Variants in CHD3 observed in about 807,000 individuals in gnomAD.
CHD3 encodes the protein ATP-dependent chromatin remodeler CHD3.
A neutral mutation model predicts 248.9 loss-of-function variants in CHD3; 52 were observed. The observed-to-expected ratio is 0.21, with a 90% CI of 0.17 to 0.26. CHD3 has a LOEUF of 0.26. CHD3 is among the 10% of genes least tolerant of loss of function. CHD3 has a pLI of 1.00. For synonymous variants in CHD3, 985 were observed against 985.2 expected (o/e 1.00, Z 0.00); for missense variants, 1,482 against 2,605.8 (o/e 0.57, Z 9.39).
At chr17:7,896,733 G>A (rs993940191) in intron 10 of CHD3, among the ~76,000 whole-genome samples, 3 of 148,522 alleles carry the variant, frequency 2.0e-5, no homozygotes, top group East Asian at 4.0e-4. Context: ...ATCTTGGCTC[G>A]CTGCAACCTC....
At position 7,900,782 on chromosome 17, in the gene CHD3, C is replaced by T. The variant is rs372722431; in HGVS notation, c.2978+51C>T. ...AGTAGGGCTTGGGGATTGATGGGAG[C>T]GTTCCAAGTGCAATATCATAATTGC... On this transcript the variant is annotated intron_variant, in intron 18 of 39. Transcript: ENST00000330494. This position sits in a 1 kb window ranked among gnomAD's most constrained non-coding sequence, Gnocchi z 6.5. 3.4e-5 allele frequency: 54 copies of T among 1,609,266 alleles called. No homozygotes were observed. The highest frequency in any genetic ancestry group is 4.3e-5 in the Non-Finnish European group (51 of 1,176,254).
Position 7,891,071 on chromosome 17 carries a change from T to C in CHD3, c.509+7T>C, listed in dbSNP as rs1968778682. 6.2e-7 allele frequency: 1 copy of C among 1,613,538 alleles called. No homozygotes were observed. The highest frequency in any genetic ancestry group is 1.3e-5 in the African/African-American group (1 of 75,004). ...CCTTCAGCCAGTTCATGAGGTGCGG[T>C]AAGACTGGGGAATCCTCGCTAATTG... On this transcript the variant is annotated splice_region_variant and intron_variant, in intron 4 of 39. Transcript: ENST00000330494.
At chr17:7,891,858 G>A (rs918834059) in intron 4 of CHD3, among the ~76,000 whole-genome samples, 7 of 150,532 alleles carry the variant, frequency 4.7e-5, no homozygotes, top group Middle Eastern at 3.4e-3. Context: ...GCGAAACTCC[G>A]TCTCAAAAAA....
Position 7,896,972 on chromosome 17 carries a change from T to C in CHD3, c.1708-111T>C, listed in dbSNP as rs1969758363. On this transcript the variant is annotated intron_variant, in intron 10 of 39. Coordinates refer to ENST00000330494, the MANE Select transcript of CHD3 (RefSeq NM_001005273.3). ...CCGTGCCTGGGCCAATCCATCCTTT[T>C]TCATAGCTCCCTTTCCCTGTCCCAT... is the stretch of plus-strand genomic sequence containing the variant. 3.4e-6 allele frequency: 3 copies of C among 891,370 alleles called. No homozygotes were observed. The African/African-American group carries it at 5.0e-5, about 15-fold the overall frequency. The allele number at this position is 891,370 out of a possible 1,614,324, so 55.2% of individuals were successfully genotyped here.
chr17:7,890,013 C>A (rs1412474269), intron 2 of CHD3, among the ~76,000 whole-genome samples: 1 of 152,158 alleles, frequency 6.6e-6, no homozygotes, highest in East Asian at 1.9e-4. Context: ...TCCTCAGCAG[C>A]AAAGAGAAGC....
chr17:7,894,997 G>A lies in CHD3; in HGVS notation c.1350G>A (p.Glu450=). ...EEEGEEEGEK[E]EEDDHMEYCR... ...AGGGAGAGGAAGAAGGGGAGAAGGA[G>A]GAGGAGGATGATCACATGGAGTACT... is the stretch of plus-strand genomic sequence containing the variant. The change falls in exon 9 of 40, where the codon GAG becomes GAA. Residue 450 remains glutamate, a synonymous_variant. Transcript: ENST00000330494. 6.2e-7 allele frequency: 1 copy of A among 1,614,094 alleles called. No individual in the cohort carries two copies. Among genetic ancestry groups the A allele is most frequent in the Non-Finnish European group, 8.5e-7 (1 of 1,179,978 alleles).
At position 7,910,979 on chromosome 17, in the gene CHD3, C is replaced by A. The variant is rs779876097; in HGVS notation, c.5881+6C>A. 6.2e-7 allele frequency: 1 copy of A among 1,612,100 alleles called. No homozygotes were observed. The highest frequency in any genetic ancestry group is 8.5e-7 in the Non-Finnish European group (1 of 1,179,350). ...TGCAGGGTCCTTCATCACAGGTCAG[C>A]TGGTGTTTTCCTACCCCCTGCTACT... is the stretch of plus-strand genomic sequence containing the variant. On this transcript the variant is annotated splice_donor_region_variant and intron_variant, in intron 39 of 39. Transcript: ENST00000330494. The surrounding 1 kb of genome is among the most constrained non-coding windows in gnomAD (Gnocchi z 4.7).
Position 7,911,036 on chromosome 17 carries a change from C to T in CHD3, c.5881+63C>T. 1 of 1,600,032 alleles carries T rather than the reference C, an allele frequency of 6.2e-7. No individual in the cohort carries two copies. The highest frequency in any genetic ancestry group is 8.5e-7 in the Non-Finnish European group (1 of 1,172,908). On this transcript the variant is annotated intron_variant, in intron 39 of 39. Transcript: ENST00000330494. This position sits in a 1 kb window ranked among gnomAD's most constrained non-coding sequence, Gnocchi z 5.4. Reference sequence around the variant, plus strand: ...CCTCCTTTGCCAAACTTTATTTCTGCTCAGCTGCCCTTTAACTGCTCTAGT... The same window carrying T: ...CCTCCTTTGCCAAACTTTATTTCTGTTCAGCTGCCCTTTAACTGCTCTAGT...
At position 7,899,800 on chromosome 17, in the gene CHD3, T is replaced by C. The variant is rs28441558; in HGVS notation, c.2545-96T>C. The C allele has an allele frequency of 0.05, 72,068 of 1,443,906 alleles. 1,984 individuals are homozygous for C. Among genetic ancestry groups the C allele is most frequent in the Non-Finnish European group, 0.058 (60,766 of 1,048,238 alleles). 89.4% of individuals were successfully genotyped at this position (1,443,906 alleles called of 1,614,324 possible). On this transcript the variant is annotated intron_variant, in intron 15 of 39. Transcript: ENST00000330494. This position sits in a 1 kb window ranked among gnomAD's most constrained non-coding sequence, Gnocchi z 6.8. ...GCTTGGAGAACAGAGTAATGGCTCC[T>C]GTTGGGAGCCACAGTCAGGACAAGG...
In CHD3 at chr17:7,907,824, C is replaced by T. The variant is rs1296451555; in HGVS notation, c.5027-70C>T. 12 of 1,564,580 alleles carry T rather than the reference C, an allele frequency of 7.7e-6. No homozygotes were observed. The highest frequency in any genetic ancestry group is 1.0e-5 in the Non-Finnish European group (12 of 1,152,346). On this transcript the variant is annotated intron_variant, in intron 33 of 39. Transcript: ENST00000330494. This position sits in a 1 kb window ranked among gnomAD's most constrained non-coding sequence, Gnocchi z 4.3. Reference sequence around the variant, plus strand: ...TTTGAAAGGCCAGTACAGTACAGTACAGATAGTAGTCTTGGGACCTGGGAG... The same window carrying T: ...TTTGAAAGGCCAGTACAGTACAGTATAGATAGTAGTCTTGGGACCTGGGAG...
In CHD3 at chr17:7,899,101, C is replaced by T. The variant is rs1970022409; in HGVS notation, c.2242C>T (p.Arg748Cys). 1.2e-6 allele frequency: 2 copies of T among 1,614,022 alleles called. No individual in the cohort carries two copies. The highest frequency in any genetic ancestry group is 8.5e-7 in the Non-Finnish European group (1 of 1,180,024). ...MYQLEGLNWL[R>C]FSWAQGTDTI... ...TCAGTTGGAAGGGCTGAACTGGCTACGCTTCTCCTGGGCCCAGGGCACTGA... is the reference window on the plus strand; with the variant it reads ...TCAGTTGGAAGGGCTGAACTGGCTATGCTTCTCCTGGGCCCAGGGCACTGA... The change falls in exon 14 of 40, where the codon CGC becomes TGC. Residue 748 changes from arginine to cysteine, a missense_variant. Transcript: ENST00000330494. This position sits in a 1 kb window ranked among gnomAD's most constrained non-coding sequence, Gnocchi z 6.8.
At chr17:7,886,526 G>A (rs1232660525), upstream of CHD3, among the ~76,000 whole-genome samples, 1 of 152,270 alleles carries the variant, frequency 6.6e-6, no homozygotes, top group Non-Finnish European at 1.5e-5. The surrounding 1 kb of genome is among the most constrained non-coding windows in gnomAD (Gnocchi z 4.2). Flanking sequence ...GACGACCTTT[G>A]GGGGAGCGGG....
In CHD3 at chr17:7,905,527, C is replaced by T. The variant is rs535353401; in HGVS notation, c.4139-94C>T. 8.5e-6 allele frequency: 8 copies of T among 937,584 alleles called. No individual in the cohort carries two copies. In the East Asian group the frequency reaches 1.9e-4, roughly 22 times the overall value. 58.1% of individuals were successfully genotyped at this position (937,584 alleles called of 1,614,324 possible). ...CACCTCAAACGTGACAGGAATGTTC[C>T]TGTGTTGTGTATCTTGTGGGAATGG... is the stretch of plus-strand genomic sequence containing the variant. On this transcript the variant is annotated intron_variant, in intron 26 of 39. Transcript: ENST00000330494. This position sits in a 1 kb window ranked among gnomAD's most constrained non-coding sequence, Gnocchi z 5.8.
rs779295383 is a variant in CHD3, at chr17:7,897,350, G to A, written c.1919+56G>A. ...TGGTATATGACATTATTCTTACCAT[G>A]GTGATGGCCCCATGTTAGTATTTGC... On this transcript the variant is annotated intron_variant, in intron 11 of 39. Coordinates refer to ENST00000330494, the MANE Select transcript of CHD3 (RefSeq NM_001005273.3). This position sits in a 1 kb window ranked among gnomAD's most constrained non-coding sequence, Gnocchi z 4.8. The A allele has an allele frequency of 3.5e-6, 5 of 1,420,584 alleles. No homozygotes were observed. The highest frequency in any genetic ancestry group is 4.9e-6 in the Non-Finnish European group (5 of 1,013,786). The allele number at this position is 1,420,584 out of a possible 1,614,324, so 88.0% of individuals were successfully genotyped here.
In CHD3 at chr17:7,911,600, T is replaced by C. The variant is rs1188610184; in HGVS notation, c.*15T>C. 3.1e-6 allele frequency: 5 copies of C among 1,613,702 alleles called. No homozygotes were observed. The highest frequency in any genetic ancestry group is 1.7e-5 in the Admixed American group (1 of 59,998). On this transcript the variant is annotated 3_prime_UTR_variant, in exon 40 of 40. Transcript: ENST00000330494. The surrounding 1 kb of genome is among the most constrained non-coding windows in gnomAD (Gnocchi z 5.4). ...TAGACGACTGACTGGATCCCAGGCC[T>C]GCCCTTCACCCAGGCCCCGTCCCCG... is the stretch of plus-strand genomic sequence containing the variant.
In CHD3 at chr17:7,900,466, G is replaced by A; in HGVS notation, c.2804+55G>A. 1.2e-6 allele frequency: 2 copies of A among 1,613,142 alleles called. No homozygotes were observed. Among genetic ancestry groups the A allele is most frequent in the African/African-American group, 2.7e-5 (2 of 74,992 alleles). On this transcript the variant is annotated intron_variant, in intron 17 of 39. Transcript: ENST00000330494. The surrounding 1 kb of genome is among the most constrained non-coding windows in gnomAD (Gnocchi z 6.5). ...AGATGAGAGGTGGAGCAGATAAAAT[G>A]AGCTGGTAGAGGATTAATCTGAGGT...
At chr17:7,888,230 C>T (rs974731994), upstream of CHD3, among the ~76,000 whole-genome samples, 6 of 152,164 alleles carry the variant, frequency 3.9e-5, no homozygotes, top group African/African-American at 1.4e-4. Context: ...TGTCTTCCTG[C>T]ACAAGGGGAC....
In CHD3 at chr17:7,908,779, A is replaced by G; in HGVS notation, c.5344A>G (p.Lys1782Glu). Residue 1782 changes from lysine (K) to glutamate (E), a missense_variant, in exon 36 of 40, where the codon AAG becomes GAG. Physicochemically the swap from Lys to Glu is moderately conservative, Grantham distance 56. This residue lies in a region of CHD3 where 27 missense variants were observed against 23.5 expected (regional missense o/e 1.15). Coordinates refer to ENST00000330494, the MANE Select transcript of CHD3 (RefSeq NM_001005273.3). This position sits in a 1 kb window ranked among gnomAD's most constrained non-coding sequence, Gnocchi z 5.8. ...CGAGCCATTTAAAACTGAAGCCAATAAGGGGAACTTTCTGGAGATGAAAAA... is the reference window on the plus strand; with the variant it reads ...CGAGCCATTTAAAACTGAAGCCAATGAGGGGAACTTTCTGGAGATGAAAAA... ...INEPFKTEAN[K>E]GNFLEMKNKF... is the part of the protein sequence containing the mutation. The G allele has an allele frequency of 6.2e-7, 1 of 1,614,176 alleles. No homozygotes were observed. Among genetic ancestry groups the G allele is most frequent in the Non-Finnish European group, 8.5e-7 (1 of 1,180,016 alleles).
intron 10 of CHD3, among the ~76,000 whole-genome samples, chr17:7,896,703 G>A (rs1469660415): frequency 6.6e-6 from 1 of 151,740 alleles, no homozygotes; most frequent in Non-Finnish European, 1.5e-5. Context: ...TTATTGCCCC[G>A]GCTGGAGTGC....
Sources: allele counts gnomAD v4.1 joint callset (sites outside exome capture counted in the v4.1 genomes callset), GRCh38; gene constraint gnomAD v4.1.1; regional missense constraint gnomAD v4.1.1; non-coding constraint Gnocchi (gnomAD v3.1); transcripts MANE v1.5; gene names NCBI Gene and HGNC (gene_info 2026-07-23, HGNC 2026-07-21).